KCNH3: variants seen among roughly 807,000 people sequenced by gnomAD.
The protein encoded by KCNH3 is voltage-gated inwardly rectifying potassium channel KCNH3.
KCNH3 carries 36 observed loss-of-function variants against 95.6 expected under a neutral mutation model. The observed-to-expected ratio is 0.38, with a 90% CI of 0.29 to 0.50. The LOEUF is 0.50. Ranked by LOEUF, KCNH3 falls within the 20% of genes least tolerant of loss-of-function variation. KCNH3 has a pLI of 0.95. For missense variants in KCNH3, 1,030 were observed against 1,484.1 expected, an observed-to-expected ratio of 0.69 and a Z score of 5.03; for synonymous variants, 620 against 646.3, an observed-to-expected ratio of 0.96 and a Z score of 0.62.
At chr12:49,552,868 A>T (rs1234272225) in intron 10 of KCNH3, among the ~76,000 whole-genome samples, 1 of 152,180 alleles carries the variant, frequency 6.6e-6, no homozygotes, top group African/African-American at 2.4e-5. Flanking sequence ...ACTCAAAACG[A>T]CCCAGAAGGA....
chr12:49,550,043 T>TTGCCACCCCCC, intron 9 of KCNH3, 37 bp from the exon 10 acceptor site: 5 of 1,299,538 alleles, frequency 3.8e-6, no homozygotes, highest in Non-Finnish European at 5.3e-6. Context: ...CTTCTGCCAC[T>TTGCCACCCCCC]CCCAACCCCC....
At chr12:49,554,188 C>A (rs1938354240) in intron 10 of KCNH3, 149 bp from the exon 11 acceptor site, 1 of 673,774 alleles carries the variant, frequency 1.5e-6, no homozygotes, top group Non-Finnish European at 2.6e-6. Flanking sequence ...ATGTCCCAGG[C>A]CTCTTTGCTC....
At position 49,556,444 on chromosome 12, in the gene KCNH3, C is replaced by T. The variant is rs773321182; in HGVS notation, c.2543C>T (p.Pro848Leu). 2.5e-6 allele frequency: 4 copies of T among 1,614,016 alleles called. No homozygotes were observed. Among genetic ancestry groups the T allele is most frequent in the East Asian group, 2.2e-5 (1 of 44,872 alleles). Residue 848 changes from proline (P) to leucine (L), a missense_variant, in exon 13 of 15, where the codon CCG (proline) becomes CTG (leucine). Physicochemically the swap from Pro to Leu is moderately conservative, Grantham distance 98. Coordinates refer to ENST00000257981, the MANE Select transcript of KCNH3 (RefSeq NM_012284.3). ...TCTTTCCGCGTGGGCCAGTCTGGCCCGGAATGTAGCAGCAGCCCCTCCCCT... is the reference window on the plus strand; with the variant it reads ...TCTTTCCGCGTGGGCCAGTCTGGCCTGGAATGTAGCAGCAGCCCCTCCCCT... ...KFSFRVGQSG[P>L]ECSSSPSPGP...
In KCNH3 at chr12:49,545,366, G is replaced by A. The variant is rs564281485; in HGVS notation, c.1189+984G>A. ...CCTCCAGCCCTTTGTCAGCTTCCAG[G>A]TAACTGACATTTAGCCGGGTTTCCA... On this transcript the variant is annotated intron_variant, in intron 7 of 14. Transcript: ENST00000257981. Among the ~76,000 whole-genome samples the A allele has an allele frequency of 2.0e-5, 3 of 149,730 alleles. No individual in the cohort carries two copies. The South Asian group carries it at 6.4e-4, about 32-fold the overall frequency.
rs774240132 is a variant in KCNH3 at position 49,557,950 on chromosome 12, CT to C, written c.3250del (p.Ter1084GlufsTer5). 9 of 1,502,846 alleles carry C rather than the reference CT, an allele frequency of 6.0e-6. No homozygotes were observed. Among genetic ancestry groups the C allele is most frequent in the Non-Finnish European group, 5.3e-6 (6 of 1,125,764 alleles). 93.1% of individuals were successfully genotyped at this position (1,502,846 alleles called of 1,614,324 possible). A position where few individuals can be genotyped will look rare whatever the true frequency, so the allele number is the denominator to read the frequency against. On this transcript the variant is annotated frameshift_variant and stop_lost, in exon 15 of 15. Transcript: ENST00000257981. LOFTEE classifies it high-confidence loss of function. The stretch of plus-strand genomic sequence containing the variant: ...GGACCCAGGAAGAAGGCACAGGGGT[CT>C]GAGTACCAGCCCTAGAACTCAGCGT... ...QWTQEEGTGV* is the reference protein window; with the variant it reads ...QWTQEEGTGVX
At chr12:49,555,148 T>C (rs569170773) in intron 11 of KCNH3, among the ~76,000 whole-genome samples, 16 of 152,110 alleles carry the variant, frequency 1.1e-4, no homozygotes, top group African/African-American at 3.6e-4. Flanking sequence ...TAGATTAAGA[T>C]AGTATCATCT....
chr12:49,549,048 T>C lies in KCNH3; in HGVS notation c.1343T>C (p.Leu448Pro). 7 of 1,612,224 alleles carry C rather than the reference T, an allele frequency of 4.3e-6. No individual in the cohort carries two copies. The highest frequency in any genetic ancestry group is 5.9e-6 in the Non-Finnish European group (7 of 1,179,646). The change falls in exon 8 of 15, where the codon CTG becomes CCG. Residue 448 changes from leucine (L) to proline (P), a missense_variant. Leu to Pro is a moderately conservative substitution (Grantham distance 98). This residue lies in a region of KCNH3 where 13 missense variants were observed against 64.5 expected (regional missense o/e 0.20). Coordinates refer to ENST00000257981, the MANE Select transcript of KCNH3 (RefSeq NM_012284.3). ...CTGGAGCTGCTGGGCGGCCCGTCGC[T>C]GCGCAGCGCCTACATCACCTCCCTC... ...TGLELLGGPS[L>P]RSAYITSLYF...
chr12:49,551,574 CAAAA>C (rs59344956), intron 10 of KCNH3, among the ~76,000 whole-genome samples: 114 of 57,540 alleles, frequency 2.0e-3, no homozygotes, highest in African/African-American at 5.8e-3. Flanking sequence ...GACTCTGTCT[CAAAA>C]AAAAAAAAAA....
chr12:49,554,874 A>G (rs1045324230), intron 11 of KCNH3, among the ~76,000 whole-genome samples: 1 of 152,188 alleles, frequency 6.6e-6, no homozygotes, highest in Non-Finnish European at 1.5e-5. Context: ...TGAGCAGGGC[A>G]GAGACAGGCA....
chr12:49,543,968 T>C lies in KCNH3; in HGVS notation c.877T>C (p.Phe293Leu). 6.2e-7 allele frequency: 1 copy of C among 1,613,828 alleles called. No individual in the cohort carries two copies. Among genetic ancestry groups the C allele is most frequent in the Non-Finnish European group, 8.5e-7 (1 of 1,179,682 alleles). ...CGTGTCCAAGTCGGGCCAGGTGGTG[T>C]TTGCCCCAAAGTCCATTTGCCTCCA... ...TFVSKSGQVV[F>L]APKSICLHYV... The change falls in exon 6 of 15, where the codon TTT (phenylalanine) becomes CTT (leucine). Residue 293 changes from phenylalanine to leucine, a missense_variant. Around this residue, in one of 9 missense-constraint regions of KCNH3, gnomAD observed 153 missense variants for 288.5 expected, o/e 0.53. Coordinates refer to ENST00000257981, the MANE Select transcript of KCNH3 (RefSeq NM_012284.3).
In KCNH3 at chr12:49,557,608, T is replaced by G; in HGVS notation, c.2907T>G (p.Pro969=). 6.2e-7 allele frequency: 1 copy of G among 1,613,376 alleles called. No individual in the cohort carries two copies. Among genetic ancestry groups the G allele is most frequent in the South Asian group, 1.1e-5 (1 of 91,076 alleles). Residue 969 remains proline (P), a synonymous_variant, in exon 15 of 15, where the codon CCT becomes CCG. Transcript: ENST00000257981. ...GTWPHPRPGP[P]PLMAPWPWGP... is the part of the protein sequence containing the mutation. The stretch of plus-strand genomic sequence containing the variant: ...GGCCCCACCCTCGTCCGGGGCCTCC[T>G]CCCCTCATGGCACCCTGGCCCTGGG...
In KCNH3 at chr12:49,548,886, C is replaced by T; in HGVS notation, c.1190-9C>T. Reference sequence around the variant, plus strand: ...CCTGCCTGCTCAGGCCCTGCTGTTCCCCCCTCAGGCTGGCTGCAGGAGCTG... The same window carrying T: ...CCTGCCTGCTCAGGCCCTGCTGTTCTCCCCTCAGGCTGGCTGCAGGAGCTG... On this transcript the variant is annotated splice_polypyrimidine_tract_variant and intron_variant, in intron 7 of 14. Coordinates refer to ENST00000257981, the MANE Select transcript of KCNH3 (RefSeq NM_012284.3). 1.3e-6 allele frequency: 2 copies of T among 1,557,544 alleles called. No individual in the cohort carries two copies. Among genetic ancestry groups the T allele is most frequent in the Non-Finnish European group, 1.7e-6 (2 of 1,151,982 alleles).
intron 5 of KCNH3, 23 bp downstream of exon 5, chr12:49,543,541 G>T: frequency 6.3e-7 from 1 of 1,580,870 alleles, no homozygotes; most frequent in African/African-American, 1.3e-5. Context: ...TGCCCCTTCC[G>T]CCCCACCCTT....
In KCNH3 at chr12:49,549,167, A is replaced by T; in HGVS notation, c.1462A>T (p.Ile488Phe). ...GATCTTCTCCATCTGCACCATGCTC[A>T]TCGGCGGTGAGCCCGGCCGCGCGCG... ...EKIFSICTML[I>F]GALMHAVVFG... The change falls in exon 8 of 15, where the codon ATC becomes TTC. Residue 488 changes from isoleucine to phenylalanine, a missense_variant. Ile to Phe is a conservative substitution (Grantham distance 21, BLOSUM62 0). Transcript: ENST00000257981. 1 of 1,585,768 alleles carries T rather than the reference A, an allele frequency of 6.3e-7. No individual in the cohort carries two copies. Among genetic ancestry groups the T allele is most frequent in the Non-Finnish European group, 8.6e-7 (1 of 1,163,772 alleles).
Position 49,542,721 on chromosome 12 carries a change from G to T in KCNH3, c.461G>T (p.Arg154Leu). Residue 154 changes from arginine (R) to leucine (L), a missense_variant, in exon 4 of 15, where the codon CGA becomes CTA. Transcript: ENST00000257981. ...TCTTTCGCAGGTGGTGGCCGGCGCCGATATGGCCGGGCACGATCCAAAGGC... is the reference window on the plus strand; with the variant it reads ...TCTTTCGCAGGTGGTGGCCGGCGCCTATATGGCCGGGCACGATCCAAAGGC... ...RWKETGGGRR[R>L]YGRARSKGFN... 1 of 1,581,318 alleles carries T rather than the reference G, an allele frequency of 6.3e-7. No homozygotes were observed. Among genetic ancestry groups the T allele is most frequent in the Non-Finnish European group, 8.6e-7 (1 of 1,164,444 alleles).
Position 49,556,461 on chromosome 12 carries a change from C to G in KCNH3, c.2560C>G (p.Pro854Ala). Residue 854 changes from proline (P) to alanine (A), a missense_variant, in exon 13 of 15, where the codon CCC (proline) becomes GCC (alanine). Physicochemically the swap from Pro to Ala is conservative, Grantham distance 27 (BLOSUM62 -1). This residue lies in a region of KCNH3 where 464 missense variants were observed against 493.2 expected (regional missense o/e 0.94). Transcript: ENST00000257981. ...GQSGPECSSS[P>A]SPGPESGLLT... ...GTCTGGCCCGGAATGTAGCAGCAGC[C>G]CCTCCCCTGGACCAGGTACCAGGGC... 6.2e-7 allele frequency: 1 copy of G among 1,613,642 alleles called. No homozygotes were observed. The highest frequency in any genetic ancestry group is 8.5e-7 in the Non-Finnish European group (1 of 1,179,650).
intron 10 of KCNH3, among the ~76,000 whole-genome samples, chr12:49,551,265 G>A (rs1938248059): frequency 6.6e-6 from 1 of 152,122 alleles, no homozygotes; most frequent in Admixed American, 6.5e-5. Flanking sequence ...AGGGAAACAT[G>A]GGGCTGTGTC....
intron 7 of KCNH3, among the ~76,000 whole-genome samples, chr12:49,548,572 G>C (rs1938147675): frequency 6.6e-6 from 1 of 152,174 alleles, no homozygotes; most frequent in South Asian, 2.1e-4. Flanking sequence ...GGCTGTGGTT[G>C]AATGCAGTGA....
At position 49,544,204 on chromosome 12, in the gene KCNH3, G is replaced by T; in HGVS notation, c.1011G>T (p.Val337=). Reference sequence around the variant, plus strand: ...TCGGGGCCCATCTGCTGAAGACGGTGCGCCTGCTGCGCCTGCTGCGCCTGC... The same window carrying T: ...TCGGGGCCCATCTGCTGAAGACGGTTCGCCTGCTGCGCCTGCTGCGCCTGC... ...VYFGAHLLKT[V]RLLRLLRLLP... Residue 337 remains valine, a synonymous_variant, in exon 7 of 15, where the codon GTG becomes GTT. Transcript: ENST00000257981. 6.4e-7 allele frequency: 1 copy of T among 1,574,118 alleles called. No homozygotes were observed. The highest frequency in any genetic ancestry group is 1.1e-5 in the South Asian group (1 of 88,038).
Sources: gnomAD v4.1 joint callset for allele counts (sites outside exome capture counted in the v4.1 genomes callset) on GRCh38, gnomAD v4.1.1 for gene constraint, gnomAD v4.1.1 regional missense constraint, MANE v1.5 for transcripts, NCBI Gene and HGNC (gene_info 2026-07-23, HGNC 2026-07-21) for gene names.